SET: variants seen among roughly 807,000 people sequenced by gnomAD.
SET encodes the protein SET nuclear proto-oncogene, also known as protein SET.
In SET, 4 loss-of-function variants were observed where a neutral mutation model predicts 39.0. That is an observed-to-expected ratio of 0.10 (90% CI 0.05 to 0.23). The LOEUF (loss-of-function observed/expected upper bound fraction) is 0.23, where lower values mean the gene tolerates loss of function less well. Among genes scored for constraint, SET ranks in the 10% least tolerant of loss-of-function variants. The pLI is 1.00. For missense variants in SET, 137 were observed against 329.7 expected (o/e 0.42, Z 4.53); for synonymous variants, 114 against 115.9 (o/e 0.98, Z 0.11).
At chr9:128,689,170 C>T (rs979867728), upstream of SET, 5 of 717,740 alleles carry the variant, frequency 7.0e-6, no homozygotes, top group Non-Finnish European at 8.6e-6. Flanking sequence ...GCCTCCCCGG[C>T]CGGAGGCGGA....
In SET at chr9:128,689,632, A is replaced by ACGACGGGGC; in HGVS notation, c.56_64dup (p.Gly19_Asp21dup). The ACGACGGGGC allele has an allele frequency of 7.6e-7, 1 of 1,316,160 alleles. No homozygotes were observed. The highest frequency in any genetic ancestry group is 1.6e-5 in the African/African-American group (1 of 63,776). The allele number at this position is 1,316,160 out of a possible 1,614,324, so 81.5% of individuals were successfully genotyped here. On this transcript the variant is annotated inframe_insertion, in exon 1 of 8. Transcript: ENST00000322030. ...AGTAAAAAGGAGCTCAACTCCAACC[A>ACGACGGGGC]CGACGGGGCCGACGAGACCTCAGGT...
Position 128,691,842 on chromosome 9 carries a change from T to C in SET, c.132-16T>C, listed in dbSNP as rs1861547688. 4 of 1,603,150 alleles carry C rather than the reference T, an allele frequency of 2.5e-6. No homozygotes were observed. Among genetic ancestry groups the C allele is most frequent in the Non-Finnish European group, 3.4e-6 (4 of 1,174,808 alleles). ...TAAATACTATCATTGTCAACATCTC[T>C]TTTCATTTGCTTCAGACTTAATGAA... On this transcript the variant is annotated splice_polypyrimidine_tract_variant and intron_variant, in intron 2 of 7. Coordinates refer to ENST00000322030, the MANE Select transcript of SET (RefSeq NM_003011.4).
intron 7 of SET, 81 bp from the exon 8 acceptor site, chr9:128,694,560 A>C: frequency 2.3e-6 from 2 of 885,692 alleles, no homozygotes; most frequent in Admixed American, 5.2e-5. Flanking sequence ...CCCCAGGGGC[A>C]CTCGTGGGGT....
chr9:128,693,089 C>T (rs932162041), intron 5 of SET, 108 bp downstream of exon 5: 81 of 736,084 alleles, frequency 1.1e-4, no homozygotes, highest in Non-Finnish European at 3.4e-5. Context: ...AATACAAAAC[C>T]TTAAAATATA....
At position 128,694,734 on chromosome 9, in the gene SET, C is replaced by CTT. The variant is rs35778650; in HGVS notation, c.*93_*94dup. The CTT allele has an allele frequency of 4.8e-3, 1,447 of 303,476 alleles. 7 individuals carry two copies. The highest frequency in any genetic ancestry group is 0.018 in the East Asian group (331 of 18,516). The allele number at this position is 303,476 out of a possible 1,614,324, so 18.8% of individuals were successfully genotyped here. A position where few individuals can be genotyped will look rare whatever the true frequency, so the allele number is the denominator to read the frequency against. On this transcript the variant is annotated 3_prime_UTR_variant, in exon 8 of 8. Coordinates refer to ENST00000322030, the MANE Select transcript of SET (RefSeq NM_003011.4). The stretch of plus-strand genomic sequence containing the variant: ...CCAGTCCCTGGGAGCAAGTTGCAGT[C>CTT]TTTTTTTTTTTTTTTTTTTTTTTTC...
chr9:128,684,776 C>A (rs1351413127), upstream of SET, among the ~76,000 whole-genome samples: 1 of 152,178 alleles, frequency 6.6e-6, no homozygotes, highest in Non-Finnish European at 1.5e-5. Context: ...AAAGTCACTT[C>A]CTGTGGGCAA....
At chr9:128,692,466 G>A (rs1439925462) in intron 3 of SET, 196 bp from the exon 4 acceptor site, 1 of 423,050 alleles carries the variant, frequency 2.4e-6, no homozygotes, top group East Asian at 4.3e-5. Context: ...TTTCTATTCT[G>A]TTTAGGAGAA....
chr9:128,691,961 C>G lies in SET; in HGVS notation c.235C>G (p.Pro79Ala). Residue 79 changes from proline to alanine, a missense_variant, in exon 3 of 8, where the codon CCA becomes GCA. By Grantham distance (27) the Pro-to-Ala change is conservative. Around this residue, in one of 3 missense-constraint regions of SET, gnomAD observed 59 missense variants for 237.2 expected, o/e 0.25. Coordinates refer to ENST00000322030, the MANE Select transcript of SET (RefSeq NM_003011.4). ...GAGGTCAGAATTGATCGCCAAAATCCCAAATTTTTGGGTAACAACATTTGT... is the reference window on the plus strand; with the variant it reads ...GAGGTCAGAATTGATCGCCAAAATCGCAAATTTTTGGGTAACAACATTTGT... The part of the protein sequence containing the change: ...QKRSELIAKI[P>A]NFWVTTFVNH... 1 of 1,613,782 alleles carries G rather than the reference C, an allele frequency of 6.2e-7. No individual in the cohort carries two copies. The highest frequency in any genetic ancestry group is 8.5e-7 in the Non-Finnish European group (1 of 1,179,848).
intron 2 of SET, among the ~76,000 whole-genome samples, chr9:128,691,431 G>T (rs1438668118): frequency 6.6e-6 from 1 of 152,146 alleles, no homozygotes; most frequent in Non-Finnish European, 1.5e-5. Flanking sequence ...ACAAGGTTTG[G>T]GTTTGCTTTC....
chr9:128,691,656 A>G (rs1554776423), intron 2 of SET, among the ~76,000 whole-genome samples: 2 of 152,224 alleles, frequency 1.3e-5, no homozygotes, highest in Non-Finnish European at 2.9e-5. Context: ...CACTCTTAAC[A>G]GTCATTATTA....
rs1454772044 is a variant in SET, at chr9:128,689,406, C to T, written c.-177C>T. On this transcript the variant is annotated 5_prime_UTR_variant, in exon 1 of 8. Transcript: ENST00000322030. ...CCCAGCCCGTCCCTCGGCGTCAGGC[C>T]GCGAGGGTAGCGCGCGCGAGCGAGC... The T allele has an allele frequency of 1.0e-5, 8 of 776,974 alleles. No homozygotes were observed. The highest frequency in any genetic ancestry group is 1.3e-5 in the Non-Finnish European group (8 of 616,368). 48.1% of individuals were successfully genotyped at this position (776,974 alleles called of 1,614,324 possible). A position where few individuals can be genotyped will look rare whatever the true frequency, so the allele number is the denominator to read the frequency against.
exon 1 of SET, chr9:128,683,831 G>C (rs942493113): frequency 1.0e-4 from 142 of 1,373,218 alleles, no homozygotes; most frequent in Non-Finnish European, 1.3e-4. Flanking sequence ...GGCAGTCTCA[G>C]TGTTCAGCCT....
In SET at chr9:128,689,328, GCCTCCGCCTCC is replaced by G. The variant is rs1265704002; in HGVS notation, c.-247_-237del. 2.9e-6 allele frequency: 3 copies of G among 1,031,882 alleles called. No individual in the cohort carries two copies. Among genetic ancestry groups the G allele is most frequent in the Non-Finnish European group, 1.2e-6 (1 of 858,774 alleles). The allele number at this position is 1,031,882 out of a possible 1,614,324, so 63.9% of individuals were successfully genotyped here. On this transcript the variant is annotated 5_prime_UTR_variant, in exon 1 of 8. Coordinates refer to ENST00000322030, the MANE Select transcript of SET (RefSeq NM_003011.4). The stretch of plus-strand genomic sequence containing the variant: ...GGGAGCCGAGCCGCCCGCCGCCGCC[GCCTCCGCCTCC>G]CCTCCGCGAACAGGAGCCCGGGCCG...
chr9:128,689,500 C>A lies in SET; in HGVS notation c.-83C>A. On this transcript the variant is annotated 5_prime_UTR_variant, in exon 1 of 8. Transcript: ENST00000322030. ...ACCGAGCGGGCGCCCGCGCGTGTGG[C>A]GTGAGGGGAAGCCGCTTGCCCGCCC... 1 of 688,730 alleles carries A rather than the reference C, an allele frequency of 1.5e-6. No individual in the cohort carries two copies. The highest frequency in any genetic ancestry group is 2.0e-6 in the Non-Finnish European group (1 of 492,828). 42.7% of individuals were successfully genotyped at this position (688,730 alleles called of 1,614,324 possible).
chr9:128,689,198 GGCGC>G (rs1564357886), upstream of SET: 2 of 955,568 alleles, frequency 2.1e-6, no homozygotes, highest in African/African-American at 3.5e-5. Flanking sequence ...CGCGGGGCCT[GGCGC>G]GCCTGCGCCC....
rs753204433 is a variant in SET, at chr9:128,692,753, C to T, written c.366C>T (p.Tyr122=). ...AATTTGAAGATATTAAATCAGGTTA[C>T]AGAATAGATTTTGTAAGTATCTCTA... ...VTEFEDIKSG[Y]RIDFYFDENP... is the part of the protein sequence containing the mutation. The change falls in exon 4 of 8, where the codon TAC becomes TAT. Residue 122 remains tyrosine (Y), a synonymous_variant. Transcript: ENST00000322030. The T allele has an allele frequency of 6.2e-7, 1 of 1,603,250 alleles. No individual in the cohort carries two copies. The highest frequency in any genetic ancestry group is 8.5e-7 in the Non-Finnish European group (1 of 1,170,240).
At chr9:128,688,885 TC>T (rs1861379713), upstream of SET, among the ~76,000 whole-genome samples, 1 of 151,836 alleles carries the variant, frequency 6.6e-6, no homozygotes, top group Admixed American at 6.6e-5. Context: ...GGCGCCCCGC[TC>T]CCGGTGCCCC....
rs1361649463 is a variant in SET, at chr9:128,695,441, TTTG to T, written c.*780_*782del. The T allele has an allele frequency of 9.0e-6, 2 of 222,082 alleles. No homozygotes were observed. The highest frequency in any genetic ancestry group is 2.2e-5 in the African/African-American group (1 of 44,852). The allele number at this position is 222,082 out of a possible 1,614,324, so 13.8% of individuals were successfully genotyped here. A position where few individuals can be genotyped will look rare whatever the true frequency, so the allele number is the denominator to read the frequency against. On this transcript the variant is annotated 3_prime_UTR_variant, in exon 8 of 8. Transcript: ENST00000322030. ...TTCCTGTTTATTTTTAAATTTTCTT[TTTG>T]TTTCACTGGAAAGGAAAGATGATGC...
chr9:128,694,096 AT>A, intron 7 of SET, 54 bp downstream of exon 7: 1 of 1,345,048 alleles, frequency 7.4e-7, no homozygotes, highest in Non-Finnish European at 9.8e-7. Flanking sequence ...AATTCATGTT[AT>A]TTTGGGGTGT....
Sources: gnomAD v4.1 joint callset for allele counts (sites outside exome capture counted in the v4.1 genomes callset) on GRCh38, gnomAD v4.1.1 for gene constraint, gnomAD v4.1.1 regional missense constraint, MANE v1.5 for transcripts, NCBI Gene and HGNC (gene_info 2026-07-23, HGNC 2026-07-21) for gene names.